The following MUC17 variants were observed in gnomAD, a reference collection of about 807,000 sequenced individuals.
MUC17 encodes mucin-17.
A neutral mutation model predicts 170.3 loss-of-function variants in MUC17; 190 were observed. The observed-to-expected ratio is 1.12, with a 90% CI of 0.99 to 1.26. The LOEUF (loss-of-function observed/expected upper bound fraction) is 1.26. Ranked by LOEUF, MUC17 falls within the 50% of genes most tolerant of loss-of-function variation. The pLI is 0.00. For synonymous variants in MUC17, 2,325 were observed against 2,002.5 expected, an observed-to-expected ratio of 1.16 and a Z score of -4.30; for missense variants, 6,415 against 5,530.0, an observed-to-expected ratio of 1.16 and a Z score of -5.08.
At chr7:101,043,888 C>A in intron 3 of MUC17, 69 bp downstream of exon 3, 2 of 1,423,948 alleles carry the variant, frequency 1.4e-6, no homozygotes, top group Non-Finnish European at 1.9e-6. Flanking sequence ...ATGTGCACAA[C>A]GTGCAGGTTT....
Position 101,040,223 on chromosome 7 carries a change from G to A in MUC17, c.8807G>A (p.Ser2936Asn). The A allele has an allele frequency of 6.2e-7, 1 of 1,611,196 alleles. No individual in the cohort carries two copies. The highest frequency in any genetic ancestry group is 2.2e-5 in the East Asian group (1 of 44,652). The stretch of plus-strand genomic sequence containing the variant: ...ACTCCATTAACAAGTATACTTGTCA[G>A]CACCGTGCCAGTGGCCGGTTCTGAG... Reference protein sequence around the residue: ...VSTPLTSILVSTVPVAGSEAS... With the variant: ...VSTPLTSILVNTVPVAGSEAS... Residue 2936 changes from serine (S) to asparagine (N), a missense_variant, in exon 3 of 13, where the codon AGC becomes AAC. Physicochemically the swap from Ser to Asn is conservative, Grantham distance 46. Coordinates refer to ENST00000306151, the MANE Select transcript of MUC17 (RefSeq NM_001040105.2).
chr7:101,050,579 AAG>A lies in MUC17; in HGVS notation c.12822_12823del (p.Lys4275AsnfsTer12). ...TTGGACAATGCCACCGAAGTAGTGAAAGAGAAAATCACAAAAGTGACCACACA... is the reference window on the plus strand; with the variant it reads ...TTGGACAATGCCACCGAAGTAGTGAAAGAAAATCACAAAAGTGACCACACA... On this transcript the variant is annotated frameshift_variant, in exon 7 of 13. Transcript: ENST00000306151. LOFTEE classifies it high-confidence loss of function. 1.2e-6 allele frequency: 2 copies of A among 1,614,212 alleles called. No individual in the cohort carries two copies. Among genetic ancestry groups the A allele is most frequent in the East Asian group, 4.5e-5 (2 of 44,884 alleles).
intron 4 of MUC17, 28 bp from the exon 5 acceptor site, chr7:101,048,817 C>T (rs769801207): frequency 1.2e-6 from 2 of 1,613,222 alleles, no homozygotes; most frequent in Admixed American, 1.7e-5. Flanking sequence ...CTCAGAGATG[C>T]TTTGCTCAGT....
At position 101,041,900 on chromosome 7, in the gene MUC17, C is replaced by A. The variant is rs763598229; in HGVS notation, c.10484C>A (p.Thr3495Asn). 6.2e-7 allele frequency: 1 copy of A among 1,613,368 alleles called. No homozygotes were observed. Among genetic ancestry groups the A allele is most frequent in the Non-Finnish European group, 8.5e-7 (1 of 1,179,818 alleles). Reference protein sequence around the residue: ...TSTPVTTSSPTNSSPTTAEVT... With the variant: ...TSTPVTTSSPNNSSPTTAEVT... ...ACACCTGTGACCACTTCTTCTCCAACCAATTCATCTCCTACAACTGCTGAA... is the reference window on the plus strand; with the variant it reads ...ACACCTGTGACCACTTCTTCTCCAAACAATTCATCTCCTACAACTGCTGAA... Residue 3495 changes from threonine (T) to asparagine (N), a missense_variant, in exon 3 of 13, where the codon ACC (threonine) becomes AAC (asparagine). By Grantham distance (65) the Thr-to-Asn change is moderately conservative. Transcript: ENST00000306151.
chr7:101,023,886 A>G (rs755963058), intron 1 of MUC17, among the ~76,000 whole-genome samples: 1 of 150,068 alleles, frequency 6.7e-6, no homozygotes, highest in African/African-American at 2.5e-5. Flanking sequence ...GCCAACATCT[A>G]TTTGCAGTTT....
Position 101,050,569 on chromosome 7 carries a change from G to A in MUC17, c.12808G>A (p.Glu4270Lys), listed in dbSNP as rs200201977. Residue 4270 changes from glutamate to lysine, a missense_variant, in exon 7 of 13, where the codon GAA becomes AAA. By Grantham distance (56) the Glu-to-Lys change is moderately conservative. Coordinates refer to ENST00000306151, the MANE Select transcript of MUC17 (RefSeq NM_001040105.2). ...EYKTVLDNAT[E>K]VVKEKITKVT... ...CAAGACAGTATTGGACAATGCCACC[G>A]AAGTAGTGAAAGAGAAAATCACAAA... 151 of 1,614,116 alleles carry A rather than the reference G, an allele frequency of 9.4e-5. No individual in the cohort carries two copies. In the South Asian group the frequency reaches 1.2e-3, roughly 12 times the overall value.
rs574829126 is a variant in MUC17 at position 101,036,912 on chromosome 7, T to C, written c.5496T>C (p.Pro1832=). ...AGGCTAGCACCCTTTCAACAACTCC[T>C]GTTGACTCTAACAGTCCTGTGGTCA... is the stretch of plus-strand genomic sequence containing the variant. The part of the protein sequence containing the change: ...NSEASTLSTT[P]VDSNSPVVTS... Residue 1832 remains proline, a synonymous_variant, in exon 3 of 13, where the codon CCT becomes CCC. Transcript: ENST00000306151. The C allele has an allele frequency of 2.6e-4, 414 of 1,612,904 alleles. 3 individuals carry two copies. In the East Asian group the frequency reaches 6.4e-3, roughly 25 times the overall value.
In MUC17 at chr7:101,029,610, A is replaced by T. The variant is rs192892141; in HGVS notation, c.83-1510A>T. On this transcript the variant is annotated intron_variant, in intron 1 of 12. Transcript: ENST00000306151. The stretch of plus-strand genomic sequence containing the variant: ...TAATTAATTTATTATTATTATTATT[A>T]TTTTTTGAGACAGAGTCTCGCTCTG... 4.4e-3 allele frequency among the ~76,000 whole-genome samples: 660 copies of T among 151,392 alleles called. 3 individuals are homozygous for T. The highest frequency in any genetic ancestry group is 7.7e-3 in the Non-Finnish European group (524 of 67,878).
At position 101,032,230 on chromosome 7, in the gene MUC17, G is replaced by A; in HGVS notation, c.814G>A (p.Gly272Arg). 6.2e-7 allele frequency: 1 copy of A among 1,614,156 alleles called. No individual in the cohort carries two copies. The highest frequency in any genetic ancestry group is 8.5e-7 in the Non-Finnish European group (1 of 1,180,000). Residue 272 changes from glycine (G) to arginine (R), a missense_variant, in exon 3 of 13, where the codon GGA becomes AGA. By Grantham distance (125) the Gly-to-Arg change is moderately radical. Coordinates refer to ENST00000306151, the MANE Select transcript of MUC17 (RefSeq NM_001040105.2). Reference protein sequence around the residue: ...GPSLSNSAPSGGSTPLTRMPL... With the variant: ...GPSLSNSAPSRGSTPLTRMPL... ...CAGCCTGTCAAACTCAGCTCCTAGTGGAGGAAGCACTCCATTAACAAGAAT... is the reference window on the plus strand; with the variant it reads ...CAGCCTGTCAAACTCAGCTCCTAGTAGAGGAAGCACTCCATTAACAAGAAT...
intron 2 of MUC17, 56 bp from the exon 3 acceptor site, chr7:101,031,545 C>G: frequency 6.7e-7 from 1 of 1,484,142 alleles, no homozygotes; most frequent in Non-Finnish European, 9.0e-7. Flanking sequence ...ACAATCACTC[C>G]TGACATACAG....
chr7:101,026,232 T>C (rs1016031917), intron 1 of MUC17, among the ~76,000 whole-genome samples: 1 of 152,220 alleles, frequency 6.6e-6, no homozygotes, highest in African/African-American at 2.4e-5. Context: ...GCCTCCTATA[T>C]CTGCCTGGAT....
At position 101,033,505 on chromosome 7, in the gene MUC17, A is replaced by C; in HGVS notation, c.2089A>C (p.Thr697Pro). 1.2e-6 allele frequency: 2 copies of C among 1,614,108 alleles called. No homozygotes were observed. The highest frequency in any genetic ancestry group is 2.2e-5 in the East Asian group (1 of 44,854). ...STPLTSMPVN[T>P]TLVASSEAST... ...TCCATTAACAAGTATGCCTGTCAACACCACACTGGTGGCCAGTTCTGAGGC... is the reference window on the plus strand; with the variant it reads ...TCCATTAACAAGTATGCCTGTCAACCCCACACTGGTGGCCAGTTCTGAGGC... The change falls in exon 3 of 13, where the codon ACC becomes CCC. Residue 697 changes from threonine (T) to proline (P), a missense_variant. Transcript: ENST00000306151.
intron 6 of MUC17, among the ~76,000 whole-genome samples, chr7:101,050,041 G>A (rs1197787047): frequency 2.0e-5 from 3 of 152,204 alleles, no homozygotes; most frequent in Admixed American, 1.3e-4. Flanking sequence ...CGAGGCAGGA[G>A]GATCACGTGA....
At chr7:101,053,487 C>T (rs1794991908) in intron 11 of MUC17, 51 bp downstream of exon 11, 1 of 1,461,044 alleles carries the variant, frequency 6.8e-7, no homozygotes, top group African/African-American at 1.4e-5. Flanking sequence ...TGGAAACAGG[C>T]TGGGTGCGGT....
In MUC17 at chr7:101,043,490, C is replaced by G. The variant is rs1296696762; in HGVS notation, c.12074C>G (p.Ala4025Gly). 2.4e-5 allele frequency: 39 copies of G among 1,614,114 alleles called. No homozygotes were observed. The highest frequency in any genetic ancestry group is 3.0e-5 in the Non-Finnish European group (35 of 1,180,040). ...RTTSRGCTTS[A>G]STLSATSTPH... is the part of the protein sequence containing the mutation. ...ACCAGCAGAGGCTGCACTACTTCTG[C>G]ATCAACGCTTTCTGCAACCAGTACA... Residue 4025 changes from alanine to glycine, a missense_variant, in exon 3 of 13, where the codon GCA (alanine) becomes GGA (glycine). Ala to Gly is a moderately conservative substitution (Grantham distance 60). Coordinates refer to ENST00000306151, the MANE Select transcript of MUC17 (RefSeq NM_001040105.2).
At position 101,033,378 on chromosome 7, in the gene MUC17, T is replaced by G; in HGVS notation, c.1962T>G (p.Val654=). 6.2e-7 allele frequency: 1 copy of G among 1,613,960 alleles called. No individual in the cohort carries two copies. The highest frequency in any genetic ancestry group is 1.7e-5 in the Admixed American group (1 of 60,008). The change falls in exon 3 of 13, where the codon GTT becomes GTG. Residue 654 remains valine (V), a synonymous_variant. Coordinates refer to ENST00000306151, the MANE Select transcript of MUC17 (RefSeq NM_001040105.2). ...SEASTLSTTP[V]DSNTPVTTST... is the part of the protein sequence containing the mutation. ...CTAGCACCCTTTCAACAACTCCTGT[T>G]GACTCCAACACTCCTGTGACCACTT...
At chr7:101,025,639 A>G (rs1443804132) in intron 1 of MUC17, among the ~76,000 whole-genome samples, 1 of 152,004 alleles carries the variant, frequency 6.6e-6, no homozygotes, top group Non-Finnish European at 1.5e-5. Flanking sequence ...TAAAAATACA[A>G]AAAAATTAGC....
Position 101,051,859 on chromosome 7 carries a change from G to T in MUC17, c.13000G>T (p.Asp4334Tyr). The T allele has an allele frequency of 6.2e-7, 1 of 1,614,200 alleles. No individual in the cohort carries two copies. Among genetic ancestry groups the T allele is most frequent in the South Asian group, 1.1e-5 (1 of 91,088 alleles). ...AGACTACTTCGTAGTGGAGTACCGG[G>T]ACCAGAAGCCATACTGCATCAGCCC... ...YGDYFVVEYR[D>Y]QKPYCISPCE... Residue 4334 changes from aspartate (D) to tyrosine (Y), a missense_variant, in exon 9 of 13, where the codon GAC becomes TAC. By Grantham distance (160) the Asp-to-Tyr change is radical (BLOSUM62 -3). Transcript: ENST00000306151.
chr7:101,049,339 TCC>T lies in MUC17; in HGVS notation c.12680_12681del (p.Ser4227TrpfsTer4). 6.2e-7 allele frequency: 1 copy of T among 1,614,094 alleles called. No individual in the cohort carries two copies. Among genetic ancestry groups the T allele is most frequent in the Non-Finnish European group, 8.5e-7 (1 of 1,179,992 alleles). The part of the protein sequence containing the change: ...TFTEQMNIVY[S>X]GIPEYVGVNI... ...TGCCTTTCAGATGAATATTGTGTAT[TCC>T]GGGATCCCTGAGTATGTCGGGGTGA... On this transcript the variant is annotated frameshift_variant, in exon 6 of 13. Transcript: ENST00000306151. LOFTEE classifies it high-confidence loss of function.
Sources: gnomAD v4.1 joint callset for allele counts (sites outside exome capture counted in the v4.1 genomes callset) on GRCh38, gnomAD v4.1.1 for gene constraint, MANE v1.5 for transcripts, NCBI Gene and HGNC (gene_info 2026-07-23, HGNC 2026-07-21) for gene names.